SCAF11: variants seen among roughly 807,000 people sequenced by gnomAD.
SCAF11 encodes SR-related CTD associated factor 11.
In SCAF11, 47 loss-of-function variants were observed where a neutral mutation model predicts 140.5. That is an observed-to-expected ratio of 0.33 (90% CI 0.26 to 0.43). SCAF11 has a LOEUF of 0.43. SCAF11 is among the 20% of genes least tolerant of loss of function. The pLI is 1.00. For missense variants in SCAF11, 1,645 were observed against 1,705.1 expected (o/e 0.96, Z 0.62); for synonymous variants, 557 against 579.4 (o/e 0.96, Z 0.55).
At chr12:45,989,606 GA>G (rs1262878088) in intron 1 of SCAF11, among the ~76,000 whole-genome samples, 1 of 152,222 alleles carries the variant, frequency 6.6e-6, no homozygotes, top group African/African-American at 2.4e-5. Flanking sequence ...CCATCTGTAG[GA>G]AATCTTTTTA....
chr12:45,972,873 T>TATAGATATATATATAG (rs1197274636), intron 1 of SCAF11, among the ~76,000 whole-genome samples: 1 of 44,908 alleles, frequency 2.2e-5, no homozygotes, highest in African/African-American at 1.0e-4. Flanking sequence ...TCGATATATA[T>TATAGATATATATATAG]ATATATAGAT....
At chr12:45,966,917 T>C (rs1207285336) in intron 1 of SCAF11, among the ~76,000 whole-genome samples, 1 of 152,220 alleles carries the variant, frequency 6.6e-6, no homozygotes, top group Non-Finnish European at 1.5e-5. Context: ...GTTAACTCAA[T>C]GTGATAAAAT....
Position 45,928,524 on chromosome 12 carries a change from A to G in SCAF11, c.1177T>C (p.Ser393Pro). The change falls in exon 11 of 15, where the codon TCT becomes CCT. Residue 393 changes from serine (S) to proline (P), a missense_variant. Physicochemically the swap from Ser to Pro is moderately conservative, Grantham distance 74 (BLOSUM62 -1). Coordinates refer to ENST00000369367, the MANE Select transcript of SCAF11 (RefSeq NM_004719.3). Reference protein sequence around the residue: ...PPLLKKKLRSSVAAPEKSSSN... With the variant: ...PPLLKKKLRSPVAAPEKSSSN... ...GATGATTTTTCAGGGGCAGCTACAG[A>G]GCTCCGAAGTTTCTTTTTCAGTAAA... The G allele has an allele frequency of 6.2e-7, 1 of 1,613,998 alleles. No individual in the cohort carries two copies. Among genetic ancestry groups the G allele is most frequent in the Non-Finnish European group, 8.5e-7 (1 of 1,179,968 alleles).
chr12:45,982,654 G>C (rs963945000), intron 1 of SCAF11, among the ~76,000 whole-genome samples: 5 of 152,188 alleles, frequency 3.3e-5, no homozygotes, highest in Admixed American at 6.5e-5. Flanking sequence ...ACAGTGAACC[G>C]AGATTGTACC....
intron 1 of SCAF11, among the ~76,000 whole-genome samples, chr12:45,965,111 T>C (rs142478987): frequency 9.9e-5 from 15 of 152,274 alleles, no homozygotes; most frequent in South Asian, 2.1e-4. Flanking sequence ...TCGCTAATGA[T>C]TGACTGAGAA....
chr12:45,949,641 A>G (rs77098117), intron 4 of SCAF11, among the ~76,000 whole-genome samples: 1 of 152,126 alleles, frequency 6.6e-6, no homozygotes, highest in Non-Finnish European at 1.5e-5. Flanking sequence ...AGAAAACTGG[A>G]AAAGTCCCAG....
chr12:45,950,549 G>A (rs534983109), intron 4 of SCAF11, among the ~76,000 whole-genome samples: 1 of 152,238 alleles, frequency 6.6e-6, no homozygotes, highest in African/African-American at 2.4e-5. Flanking sequence ...CATACAAACA[G>A]CGTTTGGAAA....
At chr12:45,948,688 T>C (rs1945481420) in intron 4 of SCAF11, 151 bp from the exon 5 acceptor site, 1 of 593,710 alleles carries the variant, frequency 1.7e-6, no homozygotes, top group South Asian at 2.0e-5. Flanking sequence ...TCAAGCATGC[T>C]AAACCATAAG....
chr12:45,974,125 C>T (rs1451483517), intron 1 of SCAF11: 17 of 467,092 alleles, frequency 3.6e-5, no homozygotes, highest in Middle Eastern at 3.4e-4. Flanking sequence ...TTATATTATA[C>T]TGTAGTCCAT....
intron 1 of SCAF11, among the ~76,000 whole-genome samples, chr12:45,981,173 A>G (rs1431479922): frequency 2.0e-5 from 3 of 152,208 alleles, no homozygotes; most frequent in African/African-American, 7.2e-5. Context: ...CTACCTTTTC[A>G]AGTGAAATTT....
Position 45,927,440 on chromosome 12 carries a change from T to C in SCAF11, c.2261A>G (p.Glu754Gly). 1.2e-6 allele frequency: 2 copies of C among 1,613,658 alleles called. No individual in the cohort carries two copies. The highest frequency in any genetic ancestry group is 1.7e-6 in the Non-Finnish European group (2 of 1,179,902). ...MNENSVTHCS[E>G]NNMPSSDLAD... Reference sequence around the variant, plus strand: ...AAGATCAGAAGACGGCATATTATTTTCAGAACAGTGTGTCACAGAATTTTC... The same window carrying C: ...AAGATCAGAAGACGGCATATTATTTCCAGAACAGTGTGTCACAGAATTTTC... The change falls in exon 11 of 15, where the codon GAA becomes GGA. Residue 754 changes from glutamate to glycine, a missense_variant. Physicochemically the swap from Glu to Gly is moderately conservative, Grantham distance 98. Around this residue, in one of 2 missense-constraint regions of SCAF11, gnomAD observed 1,582 missense variants for 1,609.2 expected, o/e 0.98. Transcript: ENST00000369367.
chr12:45,948,356 T>C (rs1945473818), intron 5 of SCAF11, 81 bp downstream of exon 5: 9 of 887,846 alleles, frequency 1.0e-5, no homozygotes, highest in Non-Finnish European at 1.3e-5. Context: ...TAAACCCCAC[T>C]TCATTTTTTT....
chr12:45,976,331 T>G lies in SCAF11; in HGVS notation c.-21-12143A>C, dbSNP rs539210794. On this transcript the variant is annotated intron_variant, in intron 1 of 14. Transcript: ENST00000369367. ...GGTGAGTAAAGTACAGTAAGATATT[T>G]TCAGAGAGCCCACATTCACATAACT... 4.6e-5 allele frequency among the ~76,000 whole-genome samples: 7 copies of G among 152,308 alleles called. No homozygotes were observed. In the South Asian group the frequency reaches 1.2e-3, roughly 27 times the overall value.
intron 3 of SCAF11, among the ~76,000 whole-genome samples, chr12:45,952,156 GC>G (rs1439946875): frequency 1.3e-5 from 2 of 152,044 alleles, no homozygotes; most frequent in African/African-American, 4.8e-5. Context: ...AGGCAGTTGT[GC>G]CAGCAATAAA....
chr12:45,979,116 C>T (rs932756137), intron 1 of SCAF11, among the ~76,000 whole-genome samples: 13 of 144,454 alleles, frequency 9.0e-5, no homozygotes, highest in African/African-American at 3.3e-4. Context: ...GAGGCTATGC[C>T]CTCATGGATG....
rs1280897111 is a variant in SCAF11 at position 45,990,571 on chromosome 12, A to C, written c.-240T>G. 13 of 1,227,410 alleles carry C rather than the reference A, an allele frequency of 1.1e-5. No individual in the cohort carries two copies. The highest frequency in any genetic ancestry group is 4.2e-5 in the South Asian group (1 of 23,986). The allele number at this position is 1,227,410 out of a possible 1,614,324, so 76.0% of individuals were successfully genotyped here. A position where few individuals can be genotyped will look rare whatever the true frequency, so the allele number is the denominator to read the frequency against. ...GCTCCGCGCGGCTTAAGCCACCGCT[A>C]CTCCCCCTTCCCCCGCCTTGTCTAG... is the stretch of plus-strand genomic sequence containing the variant. On this transcript the variant is annotated 5_prime_UTR_variant, in exon 1 of 15. Coordinates refer to ENST00000369367, the MANE Select transcript of SCAF11 (RefSeq NM_004719.3).
chr12:45,983,742 A>AAAACACAC (rs1555172644), intron 1 of SCAF11, among the ~76,000 whole-genome samples: 2 of 133,906 alleles, frequency 1.5e-5, no homozygotes, highest in Admixed American at 7.6e-5. Context: ...CTAAACCTAA[A>AAAACACAC]ACACACACAC....
At chr12:45,960,666 C>T (rs184041278) in intron 3 of SCAF11, 45 of 152,178 alleles carry the variant, frequency 3.0e-4, no homozygotes, top group African/African-American at 1.1e-3. Flanking sequence ...TATATGTATA[C>T]TATTATTAAT....
At position 45,986,647 on chromosome 12, in the gene SCAF11, A is replaced by G. The variant is rs571088825; in HGVS notation, c.-22+3706T>C. On this transcript the variant is annotated intron_variant, in intron 1 of 14. Transcript: ENST00000369367. Reference sequence around the variant, plus strand: ...CTTGATATGGTTTGGCTGTGTCCCCACCCAAATCTCTCTTGAATTGTATTC... The same window carrying G: ...CTTGATATGGTTTGGCTGTGTCCCCGCCCAAATCTCTCTTGAATTGTATTC... 1.3e-3 allele frequency among the ~76,000 whole-genome samples: 191 copies of G among 152,252 alleles called. 1 individual carries two copies. Among genetic ancestry groups the G allele is most frequent in the Non-Finnish European group, 2.3e-3 (159 of 68,010 alleles).
Sources: allele counts gnomAD v4.1 joint callset (sites outside exome capture counted in the v4.1 genomes callset), GRCh38; gene constraint gnomAD v4.1.1; regional missense constraint gnomAD v4.1.1; transcripts MANE v1.5; gene names NCBI Gene and HGNC (gene_info 2026-07-23, HGNC 2026-07-21).